The following CSRNP3 variants were observed in gnomAD, a reference collection of about 807,000 sequenced individuals.
CSRNP3 encodes the protein cysteine and serine rich nuclear protein 3, also known as cysteine/serine-rich nuclear protein 3.
In CSRNP3, 12 loss-of-function variants were observed where a neutral mutation model predicts 48.0. That is an observed-to-expected ratio of 0.25 (90% CI 0.16 to 0.41). The LOEUF (loss-of-function observed/expected upper bound fraction) is 0.41. Ranked by LOEUF, CSRNP3 falls within the 10% of genes least tolerant of loss-of-function variation. The probability of loss-of-function intolerance (pLI) is 1.00; values close to 1 mark genes in which losing one functional copy is unlikely to be tolerated. For missense variants in CSRNP3, 580 were observed against 724.4 expected, an observed-to-expected ratio of 0.80 and a Z score of 2.29; for synonymous variants, 263 against 269.7, an observed-to-expected ratio of 0.98 and a Z score of 0.24.
chr2:165,606,974 A>G lies in CSRNP3; in HGVS notation c.148+11761A>G, dbSNP rs537966628. Among the ~76,000 whole-genome samples, 193 of 152,238 alleles carry G rather than the reference A, an allele frequency of 1.3e-3. 1 individual carries two copies. Among genetic ancestry groups the G allele is most frequent in the African/African-American group, 4.4e-3 (183 of 41,566 alleles). On this transcript the variant is annotated intron_variant, in intron 4 of 6. Transcript: ENST00000651982. ...ACACTCTCTTAACTTTTTTTTACAT[A>G]TTAAGAAAACCAATCTGAAATAAAT... is the stretch of plus-strand genomic sequence containing the variant.
At position 165,687,056 on chromosome 2, in the gene CSRNP3, T is replaced by C. The variant is rs1381625433; in HGVS notation, c.*7303T>C. The C allele has an allele frequency of 2.0e-5, 3 of 152,116 alleles. No homozygotes were observed. Among genetic ancestry groups the C allele is most frequent in the Non-Finnish European group, 4.4e-5 (3 of 68,030 alleles). The allele number at this position is 152,116 out of a possible 1,614,324, so 9.4% of individuals were successfully genotyped here. ...CAACACAATTCAGCTCTCTTAGGTT[T>C]TCTCACAATAAGAAAATATCTTGGC... On this transcript the variant is annotated 3_prime_UTR_variant, in exon 7 of 7. Coordinates refer to ENST00000651982, the MANE Select transcript of CSRNP3 (RefSeq NM_001172173.2).
rs1480445725 is a variant in CSRNP3 at position 165,686,242 on chromosome 2, G to C, written c.*6489G>C. Reference sequence around the variant, plus strand: ...CCAGAGACCTTCATCAAGTCCTACTGCCACACTGGATAAGGCCACTACCCC... The same window carrying C: ...CCAGAGACCTTCATCAAGTCCTACTCCCACACTGGATAAGGCCACTACCCC... On this transcript the variant is annotated 3_prime_UTR_variant, in exon 7 of 7. Coordinates refer to ENST00000651982, the MANE Select transcript of CSRNP3 (RefSeq NM_001172173.2). 3 of 152,018 alleles carry C rather than the reference G, an allele frequency of 2.0e-5. No homozygotes were observed. Among genetic ancestry groups the C allele is most frequent in the Non-Finnish European group, 4.4e-5 (3 of 67,970 alleles). The allele number at this position is 152,018 out of a possible 1,614,324, so 9.4% of individuals were successfully genotyped here. A position where few individuals can be genotyped will look rare whatever the true frequency, so the allele number is the denominator to read the frequency against.
At chr2:165,534,251 C>A (rs1684853363) in intron 3 of CSRNP3, among the ~76,000 whole-genome samples, 1 of 151,908 alleles carries the variant, frequency 6.6e-6, no homozygotes, top group Non-Finnish European at 1.5e-5. Context: ...ATTAAATTTG[C>A]TGAATTTCTA....
chr2:165,612,181 T>C (rs555118400), intron 4 of CSRNP3, among the ~76,000 whole-genome samples: 87 of 152,182 alleles, frequency 5.7e-4, no homozygotes, highest in African/African-American at 2.0e-3. Flanking sequence ...GGAAGCCAAT[T>C]AATTCTCTAA....
rs1204829206 is a variant in CSRNP3, at chr2:165,679,903, G to A, written c.*150G>A. 4 of 1,074,446 alleles carry A rather than the reference G, an allele frequency of 3.7e-6. No homozygotes were observed. Among genetic ancestry groups the A allele is most frequent in the Non-Finnish European group, 5.3e-6 (4 of 749,490 alleles). The allele number at this position is 1,074,446 out of a possible 1,614,324, so 66.6% of individuals were successfully genotyped here. A position where few individuals can be genotyped will look rare whatever the true frequency, so the allele number is the denominator to read the frequency against. On this transcript the variant is annotated 3_prime_UTR_variant, in exon 7 of 7. Transcript: ENST00000651982. Reference sequence around the variant, plus strand: ...ACTGTATTTTGTTTTTTCCTTTCTAGCCACATGACTGTGGCATTGCACAAA... The same window carrying A: ...ACTGTATTTTGTTTTTTCCTTTCTAACCACATGACTGTGGCATTGCACAAA...
intron 4 of CSRNP3, among the ~76,000 whole-genome samples, chr2:165,596,043 A>C (rs750608887): frequency 5.3e-5 from 8 of 151,192 alleles, no homozygotes; most frequent in Admixed American, 1.3e-4. Context: ...CTGATCTCAA[A>C]CTCCTGACCT....
chr2:165,615,363 G>A (rs1686220267), intron 4 of CSRNP3, among the ~76,000 whole-genome samples: 1 of 151,950 alleles, frequency 6.6e-6, no homozygotes, highest in Admixed American at 6.6e-5. Context: ...CTAACATGGT[G>A]AAACCCCATC....
Position 165,679,963 on chromosome 2 carries a change from CT to C in CSRNP3, c.*211del. 1.5e-6 allele frequency: 1 copy of C among 669,596 alleles called. No individual in the cohort carries two copies. The highest frequency in any genetic ancestry group is 2.4e-6 in the Non-Finnish European group (1 of 422,596). 41.5% of individuals were successfully genotyped at this position (669,596 alleles called of 1,614,324 possible). A position where few individuals can be genotyped will look rare whatever the true frequency, so the allele number is the denominator to read the frequency against. ...TGTAGGGATTTTAAAAGATTTCAGA[CT>C]GTTTTGATAGAAAAAGCTAAATTTT... On this transcript the variant is annotated 3_prime_UTR_variant, in exon 7 of 7. Coordinates refer to ENST00000651982, the MANE Select transcript of CSRNP3 (RefSeq NM_001172173.2).
intron 1 of CSRNP3, among the ~76,000 whole-genome samples, chr2:165,474,319 A>C (rs1683933002): frequency 6.6e-6 from 1 of 152,094 alleles, no homozygotes; most frequent in African/African-American, 2.4e-5. Context: ...AGTGTACTAC[A>C]GCCTCAAACT....
At chr2:165,480,404 AG>A (rs1360516750) in intron 1 of CSRNP3, among the ~76,000 whole-genome samples, 2 of 152,178 alleles carry the variant, frequency 1.3e-5, no homozygotes. Context: ...ATACGGGCAC[AG>A]GGTGTACACA....
chr2:165,616,185 T>C (rs566556850), intron 4 of CSRNP3, among the ~76,000 whole-genome samples: 1 of 152,210 alleles, frequency 6.6e-6, no homozygotes, highest in African/African-American at 2.4e-5. Flanking sequence ...TTCTTATTTA[T>C]AGGTGAGGAC....
At chr2:165,669,480 G>A (rs953426730) in intron 5 of CSRNP3, among the ~76,000 whole-genome samples, 1 of 152,090 alleles carries the variant, frequency 6.6e-6, no homozygotes, top group Non-Finnish European at 1.5e-5. Context: ...CAAACAAAAA[G>A]TTGAGCCTTG....
intron 1 of CSRNP3, among the ~76,000 whole-genome samples, chr2:165,488,572 AG>A (rs1684155305): frequency 7.0e-6 from 1 of 143,698 alleles, no homozygotes; most frequent in Admixed American, 7.1e-5. Flanking sequence ...CAAATGTAAA[AG>A]AACAGAAATT....
chr2:165,526,140 T>A (rs571648477), intron 3 of CSRNP3, among the ~76,000 whole-genome samples: 1 of 152,350 alleles, frequency 6.6e-6, no homozygotes, highest in Non-Finnish European at 1.5e-5. Context: ...TTACAGTAGC[T>A]TTACAGTAAG....
intron 3 of CSRNP3, among the ~76,000 whole-genome samples, chr2:165,554,100 T>C (rs573466375): frequency 6.6e-6 from 1 of 152,320 alleles, no homozygotes; most frequent in South Asian, 2.1e-4. Context: ...CATCAGTAGT[T>C]GTAGAGAGTT....
At chr2:165,667,759 C>T (rs1456925398) in intron 5 of CSRNP3, among the ~76,000 whole-genome samples, 1 of 152,162 alleles carries the variant, frequency 6.6e-6, no homozygotes, top group Admixed American at 6.5e-5. Context: ...ACCTAGCCTT[C>T]CTTTTCATGT....
chr2:165,585,957 C>A (rs990930115), intron 3 of CSRNP3, among the ~76,000 whole-genome samples: 4 of 152,114 alleles, frequency 2.6e-5, no homozygotes, highest in Admixed American at 1.3e-4. Flanking sequence ...TAGAATACCC[C>A]CTAAGGCTCA....
At chr2:165,499,162 C>T (rs1435753874) in intron 2 of CSRNP3, among the ~76,000 whole-genome samples, 1 of 152,122 alleles carries the variant, frequency 6.6e-6, no homozygotes, top group African/African-American at 2.4e-5. Flanking sequence ...AATTAAAATT[C>T]TACTAACCAT....
At chr2:165,591,251 A>G (rs1466266831) in intron 3 of CSRNP3, among the ~76,000 whole-genome samples, 1 of 152,164 alleles carries the variant, frequency 6.6e-6, no homozygotes, top group Non-Finnish European at 1.5e-5. Context: ...TGCCCCAGAG[A>G]TCTGTGGAAC....
Sources: allele counts gnomAD v4.1 joint callset (sites outside exome capture counted in the v4.1 genomes callset), GRCh38; gene constraint gnomAD v4.1.1; transcripts MANE v1.5; gene names NCBI Gene and HGNC (gene_info 2026-07-23, HGNC 2026-07-21).